ZZEF1: variants seen among roughly 807,000 people sequenced by gnomAD.
ZZEF1 encodes the protein zinc finger ZZ-type and EF-hand domain-containing protein 1.
Under a neutral mutation model 342.8 loss-of-function variants are expected in ZZEF1, and 157 were observed. That is an observed-to-expected ratio of 0.46 (90% confidence interval 0.40 to 0.52). The LOEUF (loss-of-function observed/expected upper bound fraction) is 0.52. Ranked by LOEUF, ZZEF1 falls within the 20% of genes least tolerant of loss-of-function variation. The probability of loss-of-function intolerance (pLI) is 0.00; values close to 1 mark genes in which losing one functional copy is unlikely to be tolerated. For synonymous variants in ZZEF1, 1,505 were observed against 1,429.1 expected, an observed-to-expected ratio of 1.05 and a Z score of -1.20; for missense variants, 3,480 against 3,725.6, an observed-to-expected ratio of 0.93 and a Z score of 1.72.
chr17:4,123,334 G>A (rs986298104), intron 2 of ZZEF1, among the ~76,000 whole-genome samples: 7 of 130,412 alleles, frequency 5.4e-5, no homozygotes, highest in African/African-American at 1.4e-4. Flanking sequence ...AGTATATATA[G>A]GGTTGGGTAC....
At chr17:4,058,660 A>C (rs2057220052) in intron 31 of ZZEF1, among the ~76,000 whole-genome samples, 1 of 152,188 alleles carries the variant, frequency 6.6e-6, no homozygotes, top group Admixed American at 6.5e-5. Context: ...AGACTGCTTG[A>C]GCCCAGGAGC....
In ZZEF1 at chr17:4,049,896, T is replaced by C. The variant is rs1295529750; in HGVS notation, c.5864-37A>G. 12 of 1,601,518 alleles carry C rather than the reference T, an allele frequency of 7.5e-6. 2 individuals carry two copies. The South Asian group carries it at 1.3e-4, about 18-fold the overall frequency. ...GCAAATCAGAGAATGGTTAGAAGTTTTATAATGAGAGTTCTTTTCAGCAAG... is the reference window on the plus strand; with the variant it reads ...GCAAATCAGAGAATGGTTAGAAGTTCTATAATGAGAGTTCTTTTCAGCAAG... On this transcript the variant is annotated intron_variant, in intron 36 of 54. Transcript: ENST00000381638.
At chr17:4,093,581 T>A (rs1010461045) in intron 11 of ZZEF1, among the ~76,000 whole-genome samples, 5 of 152,182 alleles carry the variant, frequency 3.3e-5, no homozygotes, top group South Asian at 2.1e-4. Context: ...ACAGGTAGCA[T>A]CAGAATCTCC....
intron 37 of ZZEF1, among the ~76,000 whole-genome samples, chr17:4,045,690 T>C (rs2056897850): frequency 6.6e-6 from 1 of 152,176 alleles, no homozygotes; most frequent in South Asian, 2.1e-4. Context: ...ACATGGAAGG[T>C]GTACATAAAG....
rs1415741374 is a variant in ZZEF1, at chr17:4,032,891, C to G, written c.6696G>C (p.Gln2232His). 2.5e-6 allele frequency: 4 copies of G among 1,614,168 alleles called. No homozygotes were observed. The highest frequency in any genetic ancestry group is 2.5e-6 in the Non-Finnish European group (3 of 1,180,024). The change falls in exon 41 of 55, where the codon CAG becomes CAC. Residue 2232 changes from glutamine (Q) to histidine (H), a missense_variant. Physicochemically the swap from Gln to His is conservative, Grantham distance 24 (BLOSUM62 0). Transcript: ENST00000381638. ...TGGTGTGCTTCAGCTGGAATGGCAG[C>G]TGCTTGATGCAGTGGTCTGTGAAGG... ...IATFTDHCIKQLPFQLKHTNI... is the reference protein window; with the variant it reads ...IATFTDHCIKHLPFQLKHTNI...
At position 4,064,642 on chromosome 17, in the gene ZZEF1, G is replaced by A. The variant is rs369798460; in HGVS notation, c.4437C>T (p.Ala1479=). 1.1e-4 allele frequency: 177 copies of A among 1,614,044 alleles called. No individual in the cohort carries two copies. Among genetic ancestry groups the A allele is most frequent in the Non-Finnish European group, 1.3e-4 (157 of 1,180,032 alleles). ...HFQASVSPTE[A]APPATGDQSP... is the part of the protein sequence containing the mutation. ...TCTGGTCTCCTGTGGCAGGGGGTGCGGCTTCAGTGGGAGATACTGAGGCTT... is the reference window on the plus strand; with the variant it reads ...TCTGGTCTCCTGTGGCAGGGGGTGCAGCTTCAGTGGGAGATACTGAGGCTT... The change falls in exon 29 of 55, where the codon GCC becomes GCT. Residue 1479 remains alanine (A), a synonymous_variant. Transcript: ENST00000381638.
At position 4,086,604 on chromosome 17, in the gene ZZEF1, C is replaced by G. The variant is rs762583108; in HGVS notation, c.2394G>C (p.Gln798His). ...CTCCCTGCAGCACAGAGAAGCAGCTCTGGAGTAGCTGCAGAAGCAGGGTTT... is the reference window on the plus strand; with the variant it reads ...CTCCCTGCAGCACAGAGAAGCAGCTGTGGAGTAGCTGCAGAAGCAGGGTTT... ...SAQTLLLQLL[Q>H]SCFSVLQGDV... Residue 798 changes from glutamine (Q) to histidine (H), a missense_variant, in exon 15 of 55, where the codon CAG becomes CAC. Gln to His is a conservative substitution (Grantham distance 24, BLOSUM62 0). This residue lies in a region of ZZEF1 where 1,528 missense variants were observed against 1,624.1 expected (regional missense o/e 0.94). Transcript: ENST00000381638. 8 of 1,614,170 alleles carry G rather than the reference C, an allele frequency of 5.0e-6. No individual in the cohort carries two copies. The South Asian group carries it at 8.8e-5, about 18-fold the overall frequency.
intron 29 of ZZEF1, among the ~76,000 whole-genome samples, chr17:4,063,281 T>C (rs1318535637): frequency 6.6e-6 from 1 of 152,212 alleles, no homozygotes; most frequent in Admixed American, 6.5e-5. Context: ...TATGAACAAA[T>C]AATTTTGTTG....
chr17:4,052,230 TC>T, intron 34 of ZZEF1, 94 bp from the exon 35 acceptor site: 3 of 1,280,880 alleles, frequency 2.3e-6, no homozygotes, highest in Non-Finnish European at 3.2e-6. Context: ...CCAGGGCCGT[TC>T]CCAAGTGACT....
intron 4 of ZZEF1, among the ~76,000 whole-genome samples, chr17:4,113,379 A>T (rs1011716585): frequency 6.6e-6 from 1 of 152,224 alleles, no homozygotes; most frequent in Non-Finnish European, 1.5e-5. Context: ...AGTTACATAC[A>T]GTGAATTTCA....
At chr17:4,128,386 G>A (rs1209016298) in intron 1 of ZZEF1, among the ~76,000 whole-genome samples, 2 of 141,140 alleles carry the variant, frequency 1.4e-5, no homozygotes, top group Non-Finnish European at 1.5e-5. Flanking sequence ...TAGGAGAAAA[G>A]ACAGACAATG....
rs1213407896 is a variant in ZZEF1, at chr17:4,119,859, C to T, written c.500-2693G>A. Among the ~76,000 whole-genome samples the T allele has an allele frequency of 2.7e-5, 4 of 150,812 alleles. 1 individual carries two copies. In the South Asian group the frequency reaches 8.6e-4, roughly 32 times the overall value. ...GCCAAAGGTATCATGTATAGAGTCA[C>T]TAAACTCCTTGATTCTCAAGAGAGG... On this transcript the variant is annotated intron_variant, in intron 2 of 54. Coordinates refer to ENST00000381638, the MANE Select transcript of ZZEF1 (RefSeq NM_015113.4).
chr17:4,042,404 A>G, intron 39 of ZZEF1, 25 bp downstream of exon 39: 1 of 1,600,422 alleles, frequency 6.2e-7, no homozygotes, highest in African/African-American at 1.3e-5. Context: ...CACCACCCCC[A>G]CTTTTAAAAA....
chr17:4,083,613 G>T (rs1036447354), intron 16 of ZZEF1, among the ~76,000 whole-genome samples: 3 of 149,052 alleles, frequency 2.0e-5, no homozygotes, highest in African/African-American at 7.4e-5. Context: ...TTGTCATCAG[G>T]GACCACATTT....
At chr17:4,087,157 G>A (rs1490168121) in intron 14 of ZZEF1, among the ~76,000 whole-genome samples, 1 of 152,184 alleles carries the variant, frequency 6.6e-6, no homozygotes, top group Non-Finnish European at 1.5e-5. Flanking sequence ...TGGGATTACA[G>A]GCGTGAGCCA....
rs1287512974 is a variant in ZZEF1, at chr17:4,085,674, A to G, written c.2642T>C (p.Met881Thr). Reference sequence around the variant, plus strand: ...CAGACTTTTAGTAATAATTACCATCATGGTGAAGAGATGGTTCCGTCGGGT... The same window carrying G: ...CAGACTTTTAGTAATAATTACCATCGTGGTGAAGAGATGGTTCCGTCGGGT... ...RQTRRNHLFT[M>T]MNVTEQEHKQ... Residue 881 changes from methionine to threonine, a missense_variant, in exon 16 of 55, where the codon ATG (methionine) becomes ACG (threonine). Transcript: ENST00000381638. The G allele has an allele frequency of 6.2e-7, 1 of 1,614,038 alleles. No individual in the cohort carries two copies.
intron 54 of ZZEF1, among the ~76,000 whole-genome samples, chr17:4,007,510 G>T (rs1304126919): frequency 6.6e-6 from 1 of 152,108 alleles, no homozygotes; most frequent in Admixed American, 6.5e-5. Flanking sequence ...ACAGGCTGTG[G>T]GGGGGGTCAG....
chr17:4,105,423 T>A (rs906583649), intron 7 of ZZEF1, among the ~76,000 whole-genome samples: 2 of 152,174 alleles, frequency 1.3e-5, no homozygotes, highest in Admixed American at 6.5e-5. Flanking sequence ...AGTTGGACTT[T>A]GAGACATCTG....
intron 23 of ZZEF1, 145 bp downstream of exon 23, chr17:4,074,952 A>G: frequency 1.2e-6 from 1 of 867,620 alleles, no homozygotes; most frequent in African/African-American, 1.7e-5. Context: ...ATAGCTGGTC[A>G]AACTCTGATA....
Sources: gnomAD v4.1 joint callset for allele counts (sites outside exome capture counted in the v4.1 genomes callset) on GRCh38, gnomAD v4.1.1 for gene constraint, gnomAD v4.1.1 regional missense constraint, MANE v1.5 for transcripts, NCBI Gene and HGNC (gene_info 2026-07-23, HGNC 2026-07-21) for gene names.